The following ITGAV variants were observed in gnomAD, a reference collection of about 807,000 sequenced individuals.
ITGAV encodes the protein integrin subunit alpha V.
Under a neutral mutation model 143.8 loss-of-function variants are expected in ITGAV, and 76 were observed. That is an observed-to-expected ratio of 0.53 (90% confidence interval 0.44 to 0.64). The LOEUF is 0.64. Ranked by LOEUF, ITGAV falls within the 30% of genes least tolerant of loss-of-function variation. The probability of loss-of-function intolerance (pLI) is 0.00; values close to 1 mark genes in which losing one functional copy is unlikely to be tolerated. For synonymous variants in ITGAV, 453 were observed against 446.7 expected, an observed-to-expected ratio of 1.01 and a Z score of -0.18; for missense variants, 1,193 against 1,274.7, an observed-to-expected ratio of 0.94 and a Z score of 0.98.
At position 186,677,969 on chromosome 2, in the gene ITGAV, T is replaced by A. The variant is rs934102603; in HGVS notation, c.*677T>A. On this transcript the variant is annotated 3_prime_UTR_variant, in exon 30 of 30. Transcript: ENST00000261023. ...TATTTTATTACATTTTTAACTTGTATAAATTTTAGGTCAAATCCTTCAAGC... is the reference window on the plus strand; with the variant it reads ...TATTTTATTACATTTTTAACTTGTAAAAATTTTAGGTCAAATCCTTCAAGC... The A allele has an allele frequency of 1.3e-5, 2 of 152,342 alleles. No individual in the cohort carries two copies. Among genetic ancestry groups the A allele is most frequent in the Admixed American group, 1.3e-4 (2 of 15,264 alleles). The allele number at this position is 152,342 out of a possible 1,614,324, so 9.4% of individuals were successfully genotyped here. A position where few individuals can be genotyped will look rare whatever the true frequency, so the allele number is the denominator to read the frequency against.
intron 20 of ITGAV, 30 bp from the exon 21 acceptor site, chr2:186,665,096 A>ATT (rs35994921): frequency 9.6e-4 from 972 of 1,013,474 alleles, no homozygotes; most frequent in Non-Finnish European, 1.1e-3. Context: ...TTTCATATCC[A>ATT]TTTTTTTTTT....
At chr2:186,636,745 T>C (rs1687955361) in intron 7 of ITGAV, among the ~76,000 whole-genome samples, 1 of 152,232 alleles carries the variant, frequency 6.6e-6, no homozygotes, top group South Asian at 2.1e-4. Flanking sequence ...AAGTCATATA[T>C]GACAGAAATA....
chr2:186,621,031 G>C (rs1246798686), intron 2 of ITGAV, among the ~76,000 whole-genome samples: 1 of 152,072 alleles, frequency 6.6e-6, no homozygotes, highest in Non-Finnish European at 1.5e-5. Flanking sequence ...CTTTATGGTG[G>C]GGTTGTGGTA....
At chr2:186,676,410 TG>T (rs1559071818) in intron 28 of ITGAV, 1 of 171,906 alleles carries the variant, frequency 5.8e-6, no homozygotes, top group African/African-American at 2.4e-5. Context: ...AAGACCAGCC[TG>T]GCCAACATGG....
intron 26 of ITGAV, 21 bp from the exon 27 acceptor site, chr2:186,675,583 G>GT (rs778653165): frequency 6.3e-7 from 1 of 1,581,512 alleles, no homozygotes; most frequent in Admixed American, 1.7e-5. Flanking sequence ...TTTCTTATAA[G>GT]TAAAGGATTT....
At chr2:186,656,478 G>A (rs1688590617) in intron 17 of ITGAV, 77 bp downstream of exon 17, 1 of 1,076,516 alleles carries the variant, frequency 9.3e-7, no homozygotes, top group Non-Finnish European at 1.3e-6. Context: ...TTCACTTTCT[G>A]TAAATTAGTG....
chr2:186,608,000 G>A (rs1165419897), intron 2 of ITGAV, among the ~76,000 whole-genome samples: 1 of 152,160 alleles, frequency 6.6e-6, no homozygotes, highest in Non-Finnish European at 1.5e-5. Context: ...TGTTGCAAAA[G>A]ATATCATTTC....
chr2:186,664,527 C>A lies in ITGAV; in HGVS notation c.1959C>A (p.Asn653Lys), dbSNP rs1223998082. The A allele has an allele frequency of 6.2e-7, 1 of 1,613,842 alleles. No individual in the cohort carries two copies. Among genetic ancestry groups the A allele is most frequent in the Non-Finnish European group, 8.5e-7 (1 of 1,179,804 alleles). ...DQKKIYIGDDNPLTLIVKAQN... is the reference protein window; with the variant it reads ...DQKKIYIGDDKPLTLIVKAQN... ...AGAAGATCTATATTGGGGATGACAACCCTCTGACATTGATTGTTAAGGCTC... is the reference window on the plus strand; with the variant it reads ...AGAAGATCTATATTGGGGATGACAAACCTCTGACATTGATTGTTAAGGCTC... The change falls in exon 20 of 30, where the codon AAC becomes AAA. Residue 653 changes from asparagine (N) to lysine (K), a missense_variant. Coordinates refer to ENST00000261023, the MANE Select transcript of ITGAV (RefSeq NM_002210.5).
chr2:186,593,280 T>C (rs1352154010), intron 1 of ITGAV, among the ~76,000 whole-genome samples: 5 of 152,140 alleles, frequency 3.3e-5, no homozygotes, highest in Non-Finnish European at 7.3e-5. Context: ...TTGAATTATC[T>C]GCATAGTTCA....
chr2:186,615,270 G>A (rs1171048810), intron 2 of ITGAV, among the ~76,000 whole-genome samples: 1 of 152,056 alleles, frequency 6.6e-6, no homozygotes, highest in Non-Finnish European at 1.5e-5. Context: ...GAACATTCAT[G>A]TGCAAATCTT....
At chr2:186,591,251 TTAA>T (rs1163923640) in intron 1 of ITGAV, among the ~76,000 whole-genome samples, 1 of 152,206 alleles carries the variant, frequency 6.6e-6, no homozygotes, top group Non-Finnish European at 1.5e-5. Flanking sequence ...ACTGCAGTAT[TTAA>T]TAATTCAGTT....
chr2:186,641,425 T>G lies in ITGAV; in HGVS notation c.996T>G (p.Asp332Glu). The change falls in exon 12 of 30, where the codon GAT (aspartate) becomes GAG (glutamate). Residue 332 changes from aspartate to glutamate, a missense_variant. Coordinates refer to ENST00000261023, the MANE Select transcript of ITGAV (RefSeq NM_002210.5). ...DVFIGAPLFMDRGSDGKLQEV... is the reference protein window; with the variant it reads ...DVFIGAPLFMERGSDGKLQEV... ...TTATTGGAGCACCTCTCTTCATGGA[T>G]CGTGGCTCTGATGGCAAACTCCAAG... 1.2e-6 allele frequency: 2 copies of G among 1,614,192 alleles called. No homozygotes were observed. Among genetic ancestry groups the G allele is most frequent in the African/African-American group, 2.7e-5 (2 of 75,056 alleles).
intron 4 of ITGAV, among the ~76,000 whole-genome samples, chr2:186,626,261 A>C (rs1687673341): frequency 6.6e-6 from 1 of 152,190 alleles, no homozygotes; most frequent in South Asian, 2.1e-4. Flanking sequence ...TCATGGCTAA[A>C]GATGACTTCA....
intron 2 of ITGAV, among the ~76,000 whole-genome samples, chr2:186,608,316 T>C (rs1687123222): frequency 6.6e-6 from 1 of 152,196 alleles, no homozygotes; most frequent in Non-Finnish European, 1.5e-5. Context: ...GCATCAACAT[T>C]TGAAGTCTGT....
intron 20 of ITGAV, 47 bp downstream of exon 20, chr2:186,664,688 A>G (rs767158850): frequency 1.2e-6 from 2 of 1,608,410 alleles, no homozygotes; most frequent in South Asian, 1.1e-5. Flanking sequence ...CACGGATCTT[A>G]TTAACATTAA....
intron 17 of ITGAV, 31 bp downstream of exon 17, chr2:186,656,432 T>A: frequency 7.0e-7 from 1 of 1,430,180 alleles, no homozygotes; most frequent in Non-Finnish European, 9.2e-7. Flanking sequence ...TACCTTGTTG[T>A]TCCTTTTTAG....
chr2:186,593,460 T>TC (rs1686668252), intron 1 of ITGAV, among the ~76,000 whole-genome samples: 2 of 73,860 alleles, frequency 2.7e-5, no homozygotes, highest in Non-Finnish European at 6.6e-5. Context: ...ATTCGCATTC[T>TC]GTTTTTTTTT....
chr2:186,590,389 GCTT>G lies in ITGAV; in HGVS notation c.57_59del (p.Leu20del), dbSNP rs748650488. 74 of 1,600,898 alleles carry G rather than the reference GCTT, an allele frequency of 4.6e-5. No individual in the cohort carries two copies. Among genetic ancestry groups the G allele is most frequent in the Non-Finnish European group, 5.5e-5 (65 of 1,174,748 alleles). On this transcript the variant is annotated inframe_deletion, in exon 1 of 30. Coordinates refer to ENST00000261023, the MANE Select transcript of ITGAV (RefSeq NM_002210.5). Reference sequence around the variant, plus strand: ...TGCGCCTCGGTCCCCGCGGCCTCCCGCTTCTTCTCTCGGGACTCCTGCTACCTC... The same window carrying G: ...TGCGCCTCGGTCCCCGCGGCCTCCCGCTTCTCTCGGGACTCCTGCTACCTC...
chr2:186,608,592 C>T (rs1687130318), intron 2 of ITGAV, among the ~76,000 whole-genome samples: 1 of 152,030 alleles, frequency 6.6e-6, no homozygotes. Flanking sequence ...GTACAGTTCT[C>T]TTTCTTATTA....
Sources: gnomAD v4.1 joint callset for allele counts (sites outside exome capture counted in the v4.1 genomes callset) on GRCh38, gnomAD v4.1.1 for gene constraint, MANE v1.5 for transcripts, NCBI Gene and HGNC (gene_info 2026-07-23, HGNC 2026-07-21) for gene names.